Variants in COL28A1 observed in about 807,000 individuals in gnomAD.
The protein encoded by COL28A1 is collagen alpha-1(XXVIII) chain.
A neutral mutation model predicts 150.2 loss-of-function variants in COL28A1; 161 were observed. The observed-to-expected ratio is 1.07, with a 90% CI of 0.94 to 1.22. COL28A1 has a LOEUF of 1.22. Ranked by LOEUF, COL28A1 falls within the 50% of genes most tolerant of loss-of-function variation. COL28A1 has a pLI of 0.00. For missense variants in COL28A1, 1,617 were observed against 1,388.3 expected, an observed-to-expected ratio of 1.16 and a Z score of -2.62; for synonymous variants, 552 against 469.7, an observed-to-expected ratio of 1.18 and a Z score of -2.26.
intron 25 of COL28A1, among the ~76,000 whole-genome samples, chr7:7,430,398 A>T (rs1784896298): frequency 1.3e-5 from 2 of 152,180 alleles, no homozygotes; most frequent in South Asian, 4.1e-4. Flanking sequence ...AAGTGCTGGA[A>T]TTACAGGCAT....
intron 11 of COL28A1, among the ~76,000 whole-genome samples, chr7:7,503,229 T>G (rs956419830): frequency 6.6e-6 from 1 of 152,228 alleles, no homozygotes; most frequent in Admixed American, 6.5e-5. Context: ...GTCTGTCCCT[T>G]ACTAGCTCTG....
intron 25 of COL28A1, among the ~76,000 whole-genome samples, chr7:7,422,610 C>G (rs752918911): frequency 4.0e-5 from 6 of 151,342 alleles, no homozygotes; most frequent in African/African-American, 1.5e-4. Context: ...GCCTGGGTGA[C>G]AGAGTGAGAC....
intron 27 of COL28A1, among the ~76,000 whole-genome samples, chr7:7,384,390 G>C (rs1361281743): frequency 6.6e-6 from 1 of 152,140 alleles, no homozygotes; most frequent in East Asian, 1.9e-4. Context: ...GAATACAGTA[G>C]TCCCCCTTTA....
intron 33 of COL28A1, 144 bp downstream of exon 33, chr7:7,370,581 C>G (rs1472226634): frequency 2.0e-6 from 1 of 506,974 alleles, no homozygotes; most frequent in African/African-American, 2.0e-5. Flanking sequence ...AATCTAGAGT[C>G]AAGATACTAA....
chr7:7,418,988 T>A (rs1383921634), intron 26 of COL28A1, among the ~76,000 whole-genome samples: 1 of 152,182 alleles, frequency 6.6e-6, no homozygotes, highest in African/African-American at 2.4e-5. Flanking sequence ...CTTTTCCCTC[T>A]CCTCTCTGAG....
the COL28A1 span, among the ~76,000 whole-genome samples, chr7:7,345,977 C>T: frequency 6.6e-6 from 1 of 151,802 alleles, no homozygotes; most frequent in Non-Finnish European, 1.5e-5. Flanking sequence ...CCTTGATGTC[C>T]CTTTGCAGTC....
Position 7,358,815 on chromosome 7 carries a change from G to T in COL28A1, c.3206-10C>A. On this transcript the variant is annotated splice_polypyrimidine_tract_variant and intron_variant, in intron 34 of 34. Transcript: ENST00000399429. ...TCCAAACATCTAGGATCTAGAGTGA[G>T]AAAAGGAAAATGTGTCACGGATTTT... is the stretch of plus-strand genomic sequence containing the variant. 6.3e-7 allele frequency: 1 copy of T among 1,598,252 alleles called. No homozygotes were observed. The highest frequency in any genetic ancestry group is 2.2e-5 in the East Asian group (1 of 44,550).
intron 25 of COL28A1, among the ~76,000 whole-genome samples, chr7:7,429,896 G>C (rs973571330): frequency 6.6e-6 from 1 of 152,052 alleles, no homozygotes; most frequent in African/African-American, 2.4e-5. Flanking sequence ...TCAGACAATG[G>C]GAGTTTCACT....
At chr7:7,493,070 A>G (rs895949161) in intron 11 of COL28A1, among the ~76,000 whole-genome samples, 1 of 147,668 alleles carries the variant, frequency 6.8e-6, no homozygotes, top group African/African-American at 2.5e-5. Flanking sequence ...ATATATATAT[A>G]TACCATTAAA....
At chr7:7,458,155 G>A (rs1021582043) in intron 15 of COL28A1, among the ~76,000 whole-genome samples, 2 of 152,252 alleles carry the variant, frequency 1.3e-5, no homozygotes, top group East Asian at 1.9e-4. Flanking sequence ...CGTGGCTCAC[G>A]CCTATAATCC....
At chr7:7,358,860 A>T in intron 34 of COL28A1, 55 bp from the exon 35 acceptor site, 1 of 1,421,448 alleles carries the variant, frequency 7.0e-7, no homozygotes, top group Non-Finnish European at 9.7e-7. Context: ...GAAGACATGA[A>T]AAATAAAAAC....
chr7:7,449,638 C>G (rs993312736), intron 18 of COL28A1, among the ~76,000 whole-genome samples: 1 of 151,708 alleles, frequency 6.6e-6, no homozygotes, highest in African/African-American at 2.4e-5. Flanking sequence ...ATTCCACAAA[C>G]AGATTTCACA....
intron 27 of COL28A1, among the ~76,000 whole-genome samples, chr7:7,403,289 G>A (rs886903447): frequency 1.3e-5 from 2 of 152,102 alleles, no homozygotes; most frequent in African/African-American, 2.4e-5. Flanking sequence ...GATCAAAGCC[G>A]AGGGGAGGAG....
chr7:7,451,856 A>G (rs994143232), intron 18 of COL28A1, among the ~76,000 whole-genome samples: 1 of 152,172 alleles, frequency 6.6e-6, no homozygotes, highest in Non-Finnish European at 1.5e-5. Context: ...TTAGACCTAC[A>G]TCTTATATAT....
the COL28A1 span, among the ~76,000 whole-genome samples, chr7:7,348,062 A>T: frequency 6.6e-6 from 1 of 152,200 alleles, no homozygotes; most frequent in Middle Eastern, 3.4e-3. Flanking sequence ...CATATAGAGG[A>T]GGAAATAGAT....
chr7:7,443,335 C>A (rs1321695329), intron 20 of COL28A1, among the ~76,000 whole-genome samples: 1 of 152,146 alleles, frequency 6.6e-6, no homozygotes, highest in African/African-American at 2.4e-5. Flanking sequence ...AAATGTCAAT[C>A]TGACCATTTA....
At chr7:7,361,979 A>G (rs993114801) in intron 33 of COL28A1, among the ~76,000 whole-genome samples, 2 of 152,190 alleles carry the variant, frequency 1.3e-5, no homozygotes, top group African/African-American at 4.8e-5. Context: ...GAGTTGAACA[A>G]TGAAAACACA....
intron 25 of COL28A1, among the ~76,000 whole-genome samples, chr7:7,424,551 T>G (rs1228274794): frequency 6.6e-6 from 1 of 152,172 alleles, no homozygotes; most frequent in Non-Finnish European, 1.5e-5. Context: ...TGGACATAGC[T>G]TCCCACGCAA....
At chr7:7,354,730 T>C (rs545310843), downstream of COL28A1, among the ~76,000 whole-genome samples, 13 of 152,308 alleles carry the variant, frequency 8.5e-5, no homozygotes, top group South Asian at 2.3e-3. Flanking sequence ...TTCTGAGTCT[T>C]ACTTAATTAA....
Sources: gnomAD v4.1 joint callset for allele counts (sites outside exome capture counted in the v4.1 genomes callset) on GRCh38, gnomAD v4.1.1 for gene constraint, MANE v1.5 for transcripts, NCBI Gene and HGNC (gene_info 2026-07-23, HGNC 2026-07-21) for gene names.